CCDC148: variants seen among roughly 807,000 people sequenced by gnomAD.
The protein encoded by CCDC148 is coiled-coil domain containing 148, also known as coiled-coil domain-containing protein 148.
Under a neutral mutation model 85.7 loss-of-function variants are expected in CCDC148, and 89 were observed. The ratio of observed to expected loss-of-function variants is 1.04; its 90% CI spans 0.87 to 1.24. The LOEUF (loss-of-function observed/expected upper bound fraction) is 1.24. Ranked by LOEUF, CCDC148 falls within the 50% of genes most tolerant of loss-of-function variation. The pLI, the probability that CCDC148 is intolerant of heterozygous loss-of-function variation, is 0.00. For missense variants in CCDC148, 692 were observed against 671.7 expected (o/e 1.03, Z -0.33); for synonymous variants, 230 against 213.9 (o/e 1.08, Z -0.66).
At chr2:158,358,634 T>C in intron 1 of CCDC148, 64 bp from the exon 2 acceptor site, 1 of 1,154,048 alleles carries the variant, frequency 8.7e-7, no homozygotes, top group Non-Finnish European at 1.2e-6. Context: ...AGTCAAAATA[T>C]AATTAGGGCA....
chr2:158,450,307 T>A (rs1688354028), intron 1 of CCDC148, among the ~76,000 whole-genome samples: 1 of 152,238 alleles, frequency 6.6e-6, no homozygotes, highest in South Asian at 2.1e-4. Context: ...GGATTTATTT[T>A]AGAAGAACTT....
chr2:158,192,893 A>G (rs971519660), intron 11 of CCDC148, among the ~76,000 whole-genome samples: 3 of 152,022 alleles, frequency 2.0e-5, no homozygotes, highest in South Asian at 4.1e-4. Flanking sequence ...TATTTTCTCT[A>G]AAAGCAATAA....
intron 7 of CCDC148, among the ~76,000 whole-genome samples, chr2:158,328,981 G>C (rs1692944482): frequency 6.6e-6 from 1 of 152,078 alleles, no homozygotes; most frequent in South Asian, 2.1e-4. Flanking sequence ...TCACTCTGAT[G>C]GTAGTTTCTT....
At chr2:158,293,921 G>T (rs1574564383) in intron 9 of CCDC148, among the ~76,000 whole-genome samples, 1 of 143,468 alleles carries the variant, frequency 7.0e-6, no homozygotes, top group Non-Finnish European at 1.5e-5. Context: ...ACCAATGAGG[G>T]GCATGGATGT....
At chr2:158,356,001 T>C (rs1207775053) in intron 2 of CCDC148, among the ~76,000 whole-genome samples, 1 of 135,660 alleles carries the variant, frequency 7.4e-6, no homozygotes, top group Non-Finnish European at 1.5e-5. Context: ...ATTTAATAAA[T>C]GGTGCTGGGA....
chr2:158,303,841 C>T (rs116547079), intron 9 of CCDC148, among the ~76,000 whole-genome samples: 1,893 of 152,254 alleles, frequency 0.012, 33 homozygotes, highest in African/African-American at 0.039. Context: ...GCTAGATGCT[C>T]TGCAGCAACC....
intron 1 of CCDC148, among the ~76,000 whole-genome samples, chr2:158,438,953 G>C (rs1044235441): frequency 3.9e-5 from 6 of 152,132 alleles, no homozygotes; most frequent in Admixed American, 2.0e-4. Flanking sequence ...TTAGAATGGT[G>C]ATCATTAAAA....
At chr2:158,267,105 G>A (rs987394359) in intron 9 of CCDC148, among the ~76,000 whole-genome samples, 2 of 151,804 alleles carry the variant, frequency 1.3e-5, no homozygotes, top group Non-Finnish European at 2.9e-5. Context: ...ATAAAACTCC[G>A]ATTCTTAGCA....
intron 9 of CCDC148, among the ~76,000 whole-genome samples, chr2:158,270,465 G>GATTCTGATA (rs1227155890): frequency 2.6e-5 from 4 of 152,172 alleles, no homozygotes; most frequent in Non-Finnish European, 5.9e-5. Flanking sequence ...AAGAGTCCTT[G>GATTCTGATA]ATTCTGATAA....
At chr2:158,406,622 T>TCTGTTTTTTTTTTTG (rs1553518860) in intron 1 of CCDC148, among the ~76,000 whole-genome samples, 18 of 84,488 alleles carry the variant, frequency 2.1e-4, no homozygotes, top group South Asian at 8.4e-4. Context: ...TCTTTTTTTT[T>TCTGTTTTTTTTTTTG]TTTTTTTTTT....
At chr2:158,232,234 G>C (rs1003340625) in intron 10 of CCDC148, among the ~76,000 whole-genome samples, 1 of 151,928 alleles carries the variant, frequency 6.6e-6, no homozygotes, top group East Asian at 1.9e-4. Flanking sequence ...CCCACATTTT[G>C]TTCATTTTAA....
chr2:158,297,456 T>G (rs547864409), intron 9 of CCDC148, among the ~76,000 whole-genome samples: 1 of 152,180 alleles, frequency 6.6e-6, no homozygotes, highest in South Asian at 2.1e-4. Context: ...TCCAACATAG[T>G]GTGTGCCTGC....
At chr2:158,270,675 G>A (rs956830865) in intron 9 of CCDC148, among the ~76,000 whole-genome samples, 4 of 152,142 alleles carry the variant, frequency 2.6e-5, no homozygotes, top group Admixed American at 2.6e-4. Flanking sequence ...AGTCTATTCC[G>A]AAGGATAGAT....
chr2:158,329,124 C>A (rs1417249518), intron 7 of CCDC148, among the ~76,000 whole-genome samples: 1 of 152,164 alleles, frequency 6.6e-6, no homozygotes, highest in Admixed American at 6.5e-5. Flanking sequence ...CCTAGGTTTT[C>A]TTCTAGGGTT....
At chr2:158,386,713 T>TA (rs1390696453) in intron 1 of CCDC148, among the ~76,000 whole-genome samples, 1 of 152,228 alleles carries the variant, frequency 6.6e-6, no homozygotes, top group Non-Finnish European at 1.5e-5. Context: ...TCTTGATTTT[T>TA]AAAAAAATCA....
intron 9 of CCDC148, among the ~76,000 whole-genome samples, chr2:158,282,990 G>T (rs374157773): frequency 6.6e-6 from 1 of 152,078 alleles, no homozygotes; most frequent in Admixed American, 6.5e-5. Context: ...CTACAACTAT[G>T]TGATCTTTGA....
chr2:158,207,252 CAGAT>C (rs896313218), intron 11 of CCDC148, among the ~76,000 whole-genome samples: 3 of 152,160 alleles, frequency 2.0e-5, no homozygotes, highest in Non-Finnish European at 4.4e-5. Flanking sequence ...TATAAGACGA[CAGAT>C]AGCCAATTGA....
At chr2:158,336,114 C>T (rs534858767) in intron 7 of CCDC148, among the ~76,000 whole-genome samples, 1 of 152,130 alleles carries the variant, frequency 6.6e-6, no homozygotes, top group African/African-American at 2.4e-5. Flanking sequence ...TCTATGTGAG[C>T]CCAATAACTA....
At chr2:158,214,234 G>T (rs1043649121) in intron 11 of CCDC148, among the ~76,000 whole-genome samples, 1 of 149,542 alleles carries the variant, frequency 6.7e-6, no homozygotes, top group Admixed American at 6.7e-5. Context: ...CTCATATTTT[G>T]ATTAGCATTT....
Sources: allele counts gnomAD v4.1 joint callset (sites outside exome capture counted in the v4.1 genomes callset), GRCh38; gene constraint gnomAD v4.1.1; transcripts MANE v1.5; gene names NCBI Gene and HGNC (gene_info 2026-07-23, HGNC 2026-07-21).